Variants in DST observed in about 807,000 individuals in gnomAD.
The protein encoded by DST is bullous pemphigoid antigen.
DST carries 253 observed loss-of-function variants against 875.2 expected under a neutral mutation model. That is an observed-to-expected ratio of 0.29 (90% CI 0.26 to 0.32). DST has a LOEUF of 0.32. Ranked by LOEUF, DST falls within the 10% of genes least tolerant of loss-of-function variation. The pLI, the probability that DST is intolerant of heterozygous loss-of-function variation, is 1.00. For missense variants in DST, 8,287 were observed against 9,111.6 expected, an observed-to-expected ratio of 0.91 and a Z score of 3.68; for synonymous variants, 3,124 against 3,197.1, an observed-to-expected ratio of 0.98 and a Z score of 0.77.
At chr6:56,560,493 T>C (rs2097521431) in intron 57 of DST, 70 bp from the exon 58 acceptor site, 2 of 1,439,008 alleles carry the variant, frequency 1.4e-6, no homozygotes, top group Non-Finnish European at 9.4e-7. Flanking sequence ...GATAGAGCAT[T>C]ATTTTTCTCT....
At chr6:56,498,468 A>C (rs1331870657) in intron 80 of DST, among the ~76,000 whole-genome samples, 2 of 152,126 alleles carry the variant, frequency 1.3e-5, no homozygotes, top group Non-Finnish European at 2.9e-5. Context: ...TACTCTATCA[A>C]TGTCCCCTGA....
chr6:56,658,308 T>C (rs1474827871), intron 10 of DST, among the ~76,000 whole-genome samples: 5 of 152,230 alleles, frequency 3.3e-5, no homozygotes, highest in Non-Finnish European at 7.3e-5. Flanking sequence ...AGGTGTCCTG[T>C]GATTTAGTCC....
chr6:56,644,757 C>T (rs189965214), intron 15 of DST, among the ~76,000 whole-genome samples: 1 of 152,286 alleles, frequency 6.6e-6, no homozygotes, highest in East Asian at 1.9e-4. Context: ...GCCAGTGTGG[C>T]TACTGTGCAG....
intron 49 of DST, among the ~76,000 whole-genome samples, chr6:56,589,392 G>A (rs972991136): frequency 1.5e-4 from 23 of 151,716 alleles, no homozygotes; most frequent in Non-Finnish European, 2.5e-4. Flanking sequence ...GTGCTATTTT[G>A]GAAAAAAAAC....
intron 85 of DST, among the ~76,000 whole-genome samples, chr6:56,490,059 G>T (rs1330215112): frequency 1.3e-5 from 2 of 152,060 alleles, no homozygotes; most frequent in East Asian, 3.8e-4. Flanking sequence ...ATGGGGAGGG[G>T]TAAGTATAAA....
chr6:56,776,651 T>C (rs2099679844), intron 4 of DST, among the ~76,000 whole-genome samples: 1 of 152,178 alleles, frequency 6.6e-6, no homozygotes, highest in South Asian at 2.1e-4. Flanking sequence ...ATTAAAATTT[T>C]TTTTAATTTC....
intron 69 of DST, among the ~76,000 whole-genome samples, chr6:56,525,821 T>C (rs1385307935): frequency 1.3e-5 from 2 of 152,124 alleles, no homozygotes; most frequent in Non-Finnish European, 2.9e-5. Context: ...ACTCTTGGAG[T>C]ATACATTCTG....
chr6:56,649,295 G>A (rs1202787687), intron 12 of DST, among the ~76,000 whole-genome samples: 1 of 152,154 alleles, frequency 6.6e-6, no homozygotes, highest in Non-Finnish European at 1.5e-5. Context: ...TTCAAAGGTT[G>A]TGTTGAGTGT....
At chr6:56,579,860 G>A (rs1402388426) in intron 49 of DST, among the ~76,000 whole-genome samples, 2 of 152,198 alleles carry the variant, frequency 1.3e-5, no homozygotes, top group African/African-American at 4.8e-5. Context: ...GATGCTCAGG[G>A]CTGTCCTATA....
intron 4 of DST, among the ~76,000 whole-genome samples, chr6:56,850,802 T>C (rs1028379175): frequency 6.6e-6 from 1 of 152,154 alleles, no homozygotes; most frequent in Non-Finnish European, 1.5e-5. Flanking sequence ...AACAGAAACA[T>C]TGGCACATCT....
chr6:56,874,863 CA>C (rs1160542152), intron 3 of DST, among the ~76,000 whole-genome samples: 2 of 152,220 alleles, frequency 1.3e-5, no homozygotes, highest in African/African-American at 2.4e-5. Context: ...GCCACCTAAA[CA>C]AGGTCATATT....
At chr6:56,615,323 A>G (rs1394477361) in intron 36 of DST, 14 of 1,413,192 alleles carry the variant, frequency 9.9e-6, no homozygotes, top group Non-Finnish European at 1.3e-5. Context: ...AAACCATTTG[A>G]AGGGCATTAA....
chr6:56,500,986 T>C, intron 80 of DST, 94 bp downstream of exon 80: 1 of 1,252,548 alleles, frequency 8.0e-7, no homozygotes, highest in South Asian at 1.7e-5. Context: ...AATCATAAAC[T>C]TGAAACACGC....
At chr6:56,625,049 T>C (rs1311297281) in intron 35 of DST, 108 bp downstream of exon 35, 7 of 796,258 alleles carry the variant, frequency 8.8e-6, no homozygotes, top group African/African-American at 6.9e-5. Flanking sequence ...ATTGTTAAAA[T>C]AGTAAGTTTT....
Position 56,497,845 on chromosome 6 carries a change from C to T in DST, c.20094+11G>A, listed in dbSNP as rs373711358. 64 of 1,587,236 alleles carry T rather than the reference C, an allele frequency of 4.0e-5. 1 individual carries two copies. The African/African-American group carries it at 7.7e-4, about 19-fold the overall frequency. ...GCTATAAAAACTTTCAGAATTTATTCTCTTACTCACCTGGCGCAAGGCACC... is the reference window on the plus strand; with the variant it reads ...GCTATAAAAACTTTCAGAATTTATTTTCTTACTCACCTGGCGCAAGGCACC... On this transcript the variant is annotated intron_variant, in intron 81 of 103. Coordinates refer to ENST00000680361, the MANE Select transcript of DST (RefSeq NM_001374736.1).
chr6:56,588,433 GCT>G (rs1450397010), intron 49 of DST, among the ~76,000 whole-genome samples: 1 of 152,138 alleles, frequency 6.6e-6, no homozygotes, highest in African/African-American at 2.4e-5. Context: ...CTCACTCCTA[GCT>G]TTAGTAAGTA....
At chr6:56,485,709 G>A (rs892744123) in intron 87 of DST, among the ~76,000 whole-genome samples, 1 of 152,000 alleles carries the variant, frequency 6.6e-6, no homozygotes, top group Admixed American at 6.6e-5. Flanking sequence ...GGAAACCATG[G>A]ACCCTTCATG....
At chr6:56,804,866 C>A (rs1445432619) in intron 4 of DST, among the ~76,000 whole-genome samples, 1 of 152,074 alleles carries the variant, frequency 6.6e-6, no homozygotes, top group Non-Finnish European at 1.5e-5. Context: ...GGTTGCTTAA[C>A]TAATTTTGAA....
intron 49 of DST, among the ~76,000 whole-genome samples, chr6:56,581,784 C>A (rs1385040175): frequency 6.6e-6 from 1 of 152,224 alleles, no homozygotes; most frequent in African/African-American, 2.4e-5. Flanking sequence ...AGCTTTCCAA[C>A]TGCCTCTTGA....
Sources: gnomAD v4.1 joint callset for allele counts (sites outside exome capture counted in the v4.1 genomes callset) on GRCh38, gnomAD v4.1.1 for gene constraint, MANE v1.5 for transcripts, NCBI Gene and HGNC (gene_info 2026-07-23, HGNC 2026-07-21) for gene names.